The following PCM1 variants were observed in gnomAD, a reference collection of about 807,000 sequenced individuals.
PCM1 encodes the protein pericentriolar material 1 protein.
In PCM1, 157 loss-of-function variants were observed where a neutral mutation model predicts 241.9. The ratio of observed to expected loss-of-function variants is 0.65; its 90% CI spans 0.57 to 0.74. The LOEUF (loss-of-function observed/expected upper bound fraction) is 0.74. PCM1 is among the 30% of genes least tolerant of loss of function. PCM1 has a pLI of 0.00. For missense variants in PCM1, 3,478 were observed against 2,360.1 expected, an observed-to-expected ratio of 1.47 and a Z score of -9.81; for synonymous variants, 1,085 against 784.9, an observed-to-expected ratio of 1.38 and a Z score of -6.39.
chr8:17,967,523 G>C (rs1290837594), intron 21 of PCM1, among the ~76,000 whole-genome samples: 1 of 151,830 alleles, frequency 6.6e-6, no homozygotes, highest in Non-Finnish European at 1.5e-5. Context: ...GGTCAGGCTG[G>C]TCTCCAACTC....
At chr8:18,007,240 T>C (rs1187359610) in intron 30 of PCM1, among the ~76,000 whole-genome samples, 1 of 152,220 alleles carries the variant, frequency 6.6e-6, no homozygotes, top group East Asian at 1.9e-4. Context: ...GAAACTTGGC[T>C]TTGCTTCTTA....
chr8:17,930,339 G>A lies in PCM1; in HGVS notation c.-22-5250G>A, dbSNP rs186147053. 5.3e-5 allele frequency among the ~76,000 whole-genome samples: 8 copies of A among 151,654 alleles called. No individual in the cohort carries two copies. In the South Asian group the frequency reaches 8.4e-4, roughly 16 times the overall value. On this transcript the variant is annotated intron_variant, in intron 2 of 38. Coordinates refer to ENST00000325083, the MANE Select transcript of PCM1 (RefSeq NM_006197.4). ...AGGATGGTCTCGATCTCCTGACCTC[G>A]TGATCCGCCTGCCTTGGCCTCCCAA... is the stretch of plus-strand genomic sequence containing the variant.
intron 32 of PCM1, 122 bp downstream of exon 32, chr8:18,010,790 G>A (rs1237994118): frequency 2.1e-5 from 13 of 633,686 alleles, no homozygotes; most frequent in Non-Finnish European, 3.2e-5. Context: ...AGACCAGCCT[G>A]GCCAACATGG....
At chr8:17,966,515 A>T in intron 20 of PCM1, 42 bp downstream of exon 20, 3 of 1,571,226 alleles carry the variant, frequency 1.9e-6, no homozygotes, top group Non-Finnish European at 2.6e-6. Context: ...ATAAGAGCTA[A>T]CATTGAGCAG....
At chr8:18,001,995 C>CAACTCTCCTACTAGAG (rs2089639577) in intron 29 of PCM1, among the ~76,000 whole-genome samples, 1 of 23,404 alleles carries the variant, frequency 4.3e-5, no homozygotes, top group African/African-American at 2.9e-4. Flanking sequence ...TCTAACCTTT[C>CAACTCTCCTACTAGAG]TTTTTTTTTT....
chr8:18,012,159 C>T (rs1461230250), intron 34 of PCM1, among the ~76,000 whole-genome samples: 1 of 152,046 alleles, frequency 6.6e-6, no homozygotes, highest in Admixed American at 6.6e-5. Context: ...CACACCCATC[C>T]AATAATTTAT....
At chr8:17,940,493 G>T (rs552291056) in intron 6 of PCM1, among the ~76,000 whole-genome samples, 160 of 152,248 alleles carry the variant, frequency 1.1e-3, no homozygotes, top group African/African-American at 3.8e-3. Flanking sequence ...GGAATTAAGG[G>T]CAATAGGCAA....
Position 17,985,541 on chromosome 8 carries a change from T to C in PCM1, c.4203T>C (p.His1401=). The change falls in exon 25 of 39, where the codon CAT becomes CAC. Residue 1401 remains histidine (H), a synonymous_variant. Transcript: ENST00000325083. ...TLISQNESRP[H]FLIELFHELQ... ...TTTCTCAAAATGAATCTCGTCCACA[T>C]TTTCTTATTGAACTCTTCCATGAGC... 6.3e-7 allele frequency: 1 copy of C among 1,598,896 alleles called. No individual in the cohort carries two copies. The highest frequency in any genetic ancestry group is 8.5e-7 in the Non-Finnish European group (1 of 1,171,278).
chr8:17,986,851 T>G (rs1203881949), intron 26 of PCM1, among the ~76,000 whole-genome samples: 1 of 151,862 alleles, frequency 6.6e-6, no homozygotes, highest in African/African-American at 2.4e-5. Flanking sequence ...GTTTCGTAGT[T>G]GATTAGCAAA....
intron 29 of PCM1, among the ~76,000 whole-genome samples, chr8:17,998,183 G>T (rs1214206732): frequency 6.6e-6 from 1 of 152,070 alleles, no homozygotes; most frequent in Non-Finnish European, 1.5e-5. Context: ...TGGTCCCTTT[G>T]TTGAGGTCAT....
Position 18,011,692 on chromosome 8 carries a change from T to C in PCM1, c.5376T>C (p.Ala1792=). 1 of 1,611,710 alleles carries C rather than the reference T, an allele frequency of 6.2e-7. No homozygotes were observed. The highest frequency in any genetic ancestry group is 8.5e-7 in the Non-Finnish European group (1 of 1,178,820). The change falls in exon 34 of 39, where the codon GCT becomes GCC. Residue 1792 remains alanine (A), a synonymous_variant. Coordinates refer to ENST00000325083, the MANE Select transcript of PCM1 (RefSeq NM_006197.4). Reference sequence around the variant, plus strand: ...ATTTGTCTAAAGCTGAAACTCAGGCTTTAACTAATTATGGAAGTGGAGAAG... The same window carrying C: ...ATTTGTCTAAAGCTGAAACTCAGGCCTTAACTAATTATGGAAGTGGAGAAG... ...SINLSKAETQ[A]LTNYGSGEDE... is the part of the protein sequence containing the mutation.
At chr8:17,942,827 T>G (rs1193624952) in intron 6 of PCM1, among the ~76,000 whole-genome samples, 1 of 151,844 alleles carries the variant, frequency 6.6e-6, no homozygotes, top group African/African-American at 2.4e-5. Context: ...AACCCTGTCT[T>G]TACTAAAAAT....
rs1376884498 is a variant in PCM1, at chr8:17,993,626, A to C, written c.4827+7A>C. 6.4e-7 allele frequency: 1 copy of C among 1,566,578 alleles called. No homozygotes were observed. The highest frequency in any genetic ancestry group is 1.9e-5 in the Admixed American group (1 of 52,694). ...AGTCATTCCTTTTTTGAAGGTAAGC[A>C]ATTATTTTAAAAAATAAACGAAACC... is the stretch of plus-strand genomic sequence containing the variant. On this transcript the variant is annotated splice_region_variant and intron_variant, in intron 29 of 38. Coordinates refer to ENST00000325083, the MANE Select transcript of PCM1 (RefSeq NM_006197.4).
chr8:17,960,393 T>G lies in PCM1; in HGVS notation c.2271T>G (p.Ile757Met), dbSNP rs746119394. ...TGCAGGAAGAAAGAAAGAAACTGAT[T>G]GACATTCAGGAGAAAATTCAAGCAT... ...KQLQEERKKLIDIQEKIQALQ... is the reference protein window; with the variant it reads ...KQLQEERKKLMDIQEKIQALQ... Residue 757 changes from isoleucine to methionine, a missense_variant, in exon 15 of 39, where the codon ATT becomes ATG. Coordinates refer to ENST00000325083, the MANE Select transcript of PCM1 (RefSeq NM_006197.4). 2 of 1,607,858 alleles carry G rather than the reference T, an allele frequency of 1.2e-6. No individual in the cohort carries two copies. The highest frequency in any genetic ancestry group is 1.1e-5 in the South Asian group (1 of 89,526).
chr8:17,970,712 A>G (rs2076551112), intron 22 of PCM1, among the ~76,000 whole-genome samples: 1 of 152,298 alleles, frequency 6.6e-6, no homozygotes, highest in East Asian at 1.9e-4. Context: ...AGACTTTCCT[A>G]TTAGAATGTC....
intron 29 of PCM1, among the ~76,000 whole-genome samples, chr8:18,003,993 T>G (rs536248044): frequency 2.7e-4 from 41 of 152,194 alleles, no homozygotes; most frequent in African/African-American, 8.7e-4. Context: ...TTTTAAAAAC[T>G]AATAGGTATG....
chr8:17,954,438 AAAAAG>A (rs1282679899), intron 9 of PCM1, among the ~76,000 whole-genome samples: 2 of 152,104 alleles, frequency 1.3e-5, no homozygotes, highest in East Asian at 1.9e-4. Flanking sequence ...AAAAAAAAAA[AAAAAG>A]AAAAGAAAAA....
At chr8:17,985,147 A>C (rs1410434507) in intron 24 of PCM1, among the ~76,000 whole-genome samples, 2 of 151,932 alleles carry the variant, frequency 1.3e-5, no homozygotes, top group Admixed American at 6.6e-5. Context: ...TTTTTCCTAT[A>C]AAATGTATAA....
intron 6 of PCM1, among the ~76,000 whole-genome samples, chr8:17,940,356 T>C (rs565222839): frequency 4.6e-5 from 7 of 152,342 alleles, no homozygotes; most frequent in African/African-American, 1.7e-4. Context: ...CTAAAAATAG[T>C]TTTAATGGTT....
Sources: gnomAD v4.1 joint callset for allele counts (sites outside exome capture counted in the v4.1 genomes callset) on GRCh38, gnomAD v4.1.1 for gene constraint, MANE v1.5 for transcripts, NCBI Gene and HGNC (gene_info 2026-07-23, HGNC 2026-07-21) for gene names.